The following SEL1L3 variants were observed in gnomAD, a reference collection of about 807,000 sequenced individuals.
The protein encoded by SEL1L3 is protein sel-1 homolog 3.
In SEL1L3, 76 loss-of-function variants were observed where a neutral mutation model predicts 142.8. That is an observed-to-expected ratio of 0.53 (90% CI 0.44 to 0.64). The LOEUF is 0.64. Among genes scored for constraint, SEL1L3 ranks in the 30% least tolerant of loss-of-function variants. SEL1L3 has a pLI of 0.00. For missense variants in SEL1L3, 1,262 were observed against 1,381.7 expected, an observed-to-expected ratio of 0.91 and a Z score of 1.37; for synonymous variants, 504 against 519.6, an observed-to-expected ratio of 0.97 and a Z score of 0.41.
At chr4:25,719,109 T>G in the SEL1L3 span, 25,434 of 152,018 alleles carry the variant, frequency 0.17, 2,199 homozygotes, top group Middle Eastern at 0.27. Flanking sequence ...CCGGGAGGCG[T>G]AGGTTGCGGT....
At chr4:25,786,624 T>C (rs957303251) in intron 13 of SEL1L3, among the ~76,000 whole-genome samples, 3 of 152,216 alleles carry the variant, frequency 2.0e-5, no homozygotes, top group Admixed American at 6.5e-5. Flanking sequence ...CTAGGTCCTC[T>C]GCCTTCCTCT....
At chr4:25,836,643 C>A (rs527910698) in intron 2 of SEL1L3, among the ~76,000 whole-genome samples, 1 of 152,168 alleles carries the variant, frequency 6.6e-6, no homozygotes, top group South Asian at 2.1e-4. Flanking sequence ...CAGAGCAAGA[C>A]TCCATCTCAA....
At position 25,862,687 on chromosome 4, in the gene SEL1L3, C is replaced by G. The variant is rs1717811361; in HGVS notation, c.150G>C (p.Leu50=). 1 of 1,304,532 alleles carries G rather than the reference C, an allele frequency of 7.7e-7. No individual in the cohort carries two copies. Among genetic ancestry groups the G allele is most frequent in the Non-Finnish European group, 9.8e-7 (1 of 1,024,176 alleles). 80.8% of individuals were successfully genotyped at this position (1,304,532 alleles called of 1,614,324 possible). The change falls in exon 1 of 24, where the codon CTG becomes CTC. Residue 50 remains leucine (L), a synonymous_variant. Coordinates refer to ENST00000399878, the MANE Select transcript of SEL1L3 (RefSeq NM_015187.5). ...LGGRSACALL[L]LCYLNVVPSL... Reference sequence around the variant, plus strand: ...GTCCGGCGCTCACCAGGTAGCAGAGCAGGAGCAGCGCGCAGGCAGAGCGGC... The same window carrying G: ...GTCCGGCGCTCACCAGGTAGCAGAGGAGGAGCAGCGCGCAGGCAGAGCGGC...
intron 10 of SEL1L3, 71 bp from the exon 11 acceptor site, chr4:25,802,533 T>C (rs1398038190): frequency 7.7e-7 from 1 of 1,306,462 alleles, no homozygotes. Flanking sequence ...CACTGAAAGG[T>C]TGTCAGGCCC....
chr4:25,758,629 G>A (rs1224250179), intron 21 of SEL1L3, among the ~76,000 whole-genome samples: 4 of 150,952 alleles, frequency 2.6e-5, no homozygotes, highest in African/African-American at 9.7e-5. Context: ...CTGGCTGAAT[G>A]TTTTCTAGTA....
chr4:25,812,804 G>A (rs1034229836), intron 9 of SEL1L3, among the ~76,000 whole-genome samples: 5 of 151,762 alleles, frequency 3.3e-5, no homozygotes, highest in African/African-American at 1.2e-4. Flanking sequence ...CTTAAGGTCA[G>A]GAGTTCAAGA....
At chr4:25,724,759 A>G in the SEL1L3 span, among the ~76,000 whole-genome samples, 12,697 of 75,242 alleles carry the variant, frequency 0.17, 1,156 homozygotes, top group Non-Finnish European at 0.22. Flanking sequence ...AAAAAAAAAA[A>G]AAAAAAAAAA....
rs533434427 is a variant in SEL1L3, at chr4:25,748,365, T to C, written c.*60A>G. 6.6e-6 allele frequency: 10 copies of C among 1,518,722 alleles called. No individual in the cohort carries two copies. In the East Asian group the frequency reaches 1.7e-4, roughly 26 times the overall value. 94.1% of individuals were successfully genotyped at this position (1,518,722 alleles called of 1,614,324 possible). ...ATCAGGATCATGCCCTGGCCCCAGCTTCCCAATACCAGCTGTTGAAAAGAT... is the reference window on the plus strand; with the variant it reads ...ATCAGGATCATGCCCTGGCCCCAGCCTCCCAATACCAGCTGTTGAAAAGAT... On this transcript the variant is annotated 3_prime_UTR_variant, in exon 24 of 24. Coordinates refer to ENST00000399878, the MANE Select transcript of SEL1L3 (RefSeq NM_015187.5).
intron 2 of SEL1L3, among the ~76,000 whole-genome samples, chr4:25,840,259 T>G (rs969794824): frequency 6.6e-6 from 1 of 152,184 alleles, no homozygotes; most frequent in African/African-American, 2.4e-5. Context: ...GTGTTATTAC[T>G]GAAAAATTCA....
chr4:25,814,985 A>T (rs1345989616), intron 9 of SEL1L3, among the ~76,000 whole-genome samples: 2 of 152,014 alleles, frequency 1.3e-5, no homozygotes, highest in Non-Finnish European at 2.9e-5. Context: ...TGACCTAGAG[A>T]AAGAGGTGCT....
At chr4:25,733,291 AT>A in the SEL1L3 span, among the ~76,000 whole-genome samples, 14 of 151,702 alleles carry the variant, frequency 9.2e-5, no homozygotes, top group African/African-American at 2.7e-4. Flanking sequence ...GTTTTCTTTA[AT>A]TTTTCTCAGT....
At chr4:25,719,917 T>C in the SEL1L3 span, 1 of 152,120 alleles carries the variant, frequency 6.6e-6, no homozygotes. Flanking sequence ...TGATAAATAT[T>C]GATAGTATTA....
chr4:25,798,689 G>A lies in SEL1L3; in HGVS notation c.1956+3594C>T, dbSNP rs550203776. Among the ~76,000 whole-genome samples, 36 of 152,286 alleles carry A rather than the reference G, an allele frequency of 2.4e-4. No homozygotes were observed. In the South Asian group the frequency reaches 5.4e-3, roughly 23 times the overall value. ...CTAAAAATACAAAAATTAGCCGGGCGTGGTGGCACATGCCTGTAGTCCCAG... is the reference window on the plus strand; with the variant it reads ...CTAAAAATACAAAAATTAGCCGGGCATGGTGGCACATGCCTGTAGTCCCAG... On this transcript the variant is annotated intron_variant, in intron 11 of 23. Coordinates refer to ENST00000399878, the MANE Select transcript of SEL1L3 (RefSeq NM_015187.5).
intron 9 of SEL1L3, among the ~76,000 whole-genome samples, chr4:25,815,150 G>A (rs978012555): frequency 1.3e-5 from 2 of 152,196 alleles, no homozygotes; most frequent in African/African-American, 4.8e-5. Flanking sequence ...CGGGGAGGCT[G>A]GCAGGTATGG....
At chr4:25,756,308 C>G (rs969754452) in intron 23 of SEL1L3, 1 of 985,178 alleles carries the variant, frequency 1.0e-6, no homozygotes, top group Non-Finnish European at 1.2e-6. Flanking sequence ...TGAGTACCTA[C>G]TATGCATGAG....
chr4:25,748,787 C>T (rs1717406874), intron 23 of SEL1L3, among the ~76,000 whole-genome samples: 1 of 152,164 alleles, frequency 6.6e-6, no homozygotes, highest in African/African-American at 2.4e-5. Context: ...AGTTTCACCT[C>T]CAAGTGCCGA....
intron 11 of SEL1L3, 151 bp downstream of exon 11, chr4:25,802,132 T>C (rs1046072422): frequency 4.8e-6 from 3 of 627,382 alleles, no homozygotes; most frequent in Non-Finnish European, 5.5e-6. Flanking sequence ...AGCCAGGTAA[T>C]AGGAAATGGA....
In SEL1L3 at chr4:25,818,281, A is replaced by T. The variant is rs146336648; in HGVS notation, c.1424-3T>A. ...CAGGTAGGAGTTGTGGAGGTGGCCT[A>T]CACAGAAGAGGGAGCAGAAGATATC... is the stretch of plus-strand genomic sequence containing the variant. On this transcript the variant is annotated splice_region_variant and splice_polypyrimidine_tract_variant and intron_variant, in intron 8 of 23. Coordinates refer to ENST00000399878, the MANE Select transcript of SEL1L3 (RefSeq NM_015187.5). 980 of 1,596,538 alleles carry T rather than the reference A, an allele frequency of 6.1e-4. 8 individuals carry two copies. In the African/African-American group the frequency reaches 8.3e-3, roughly 14 times the overall value.
intron 8 of SEL1L3, among the ~76,000 whole-genome samples, chr4:25,818,622 C>T (rs993528159): frequency 1.3e-4 from 20 of 152,146 alleles, no homozygotes; most frequent in African/African-American, 4.8e-4. Context: ...CAAAGCAGTT[C>T]AAGATGATAG....
Sources: allele counts gnomAD v4.1 joint callset (sites outside exome capture counted in the v4.1 genomes callset), GRCh38; gene constraint gnomAD v4.1.1; transcripts MANE v1.5; gene names NCBI Gene and HGNC (gene_info 2026-07-23, HGNC 2026-07-21).